SCNN1A: variants seen among roughly 807,000 people sequenced by gnomAD.
The protein encoded by SCNN1A is epithelial sodium channel subunit alpha.
A neutral mutation model predicts 68.6 loss-of-function variants in SCNN1A; 65 were observed. The ratio of observed to expected loss-of-function variants is 0.95; its 90% CI spans 0.78 to 1.16. The LOEUF is 1.16. SCNN1A is among the 50% of genes most tolerant of loss of function. The pLI, the probability that SCNN1A is intolerant of heterozygous loss-of-function variation, is 0.00. For missense variants in SCNN1A, 880 were observed against 865.9 expected, an observed-to-expected ratio of 1.02 and a Z score of -0.20; for synonymous variants, 357 against 353.3, an observed-to-expected ratio of 1.01 and a Z score of -0.12.
intron 2 of SCNN1A, among the ~76,000 whole-genome samples, chr12:6,369,377 C>CCACCCTACG (rs1948744571): frequency 8.6e-5 from 13 of 151,866 alleles, no homozygotes; most frequent in African/African-American, 1.7e-4. Context: ...CTCCCTCCTG[C>CCACCCTACG]CTGGCCTCAC....
intron 2 of SCNN1A, among the ~76,000 whole-genome samples, chr12:6,370,996 A>G (rs1948778950): frequency 6.6e-6 from 1 of 152,158 alleles, no homozygotes; most frequent in South Asian, 2.1e-4. Flanking sequence ...GACCAGAGAG[A>G]AAGGGGCTGC....
chr12:6,374,617 C>T lies in SCNN1A; in HGVS notation c.167G>A (p.Arg56Gln), dbSNP rs1270014896. 3.7e-6 allele frequency: 6 copies of T among 1,613,802 alleles called. No homozygotes were observed. Among genetic ancestry groups the T allele is most frequent in the South Asian group, 2.2e-5 (2 of 91,066 alleles). The change falls in exon 2 of 13, where the codon CGA becomes CAA. Residue 56 changes from arginine (R) to glutamine (Q), a missense_variant. This residue lies in a region of SCNN1A where 45 missense variants were observed against 76.7 expected (regional missense o/e 0.59). Transcript: ENST00000228916. This position sits in a 1 kb window ranked among gnomAD's most constrained non-coding sequence, Gnocchi z 6.2. Reference protein sequence around the residue: ...EALIEFHRSYRELFEFFCNNT... With the variant: ...EALIEFHRSYQELFEFFCNNT... ...GTTGCAGAAGAACTCGAAGAGCTCT[C>T]GGTAGGAGCGGTGGAACTCGATCAG...
Position 6,354,612 on chromosome 12 carries a change from C to A in SCNN1A, c.1243-57G>T. ...GTTCAGGCCTGAACTCAGCAGTTCT[C>A]TGCACAGAGCCTCCATCCTCTTTCC... On this transcript the variant is annotated intron_variant, in intron 7 of 12. Transcript: ENST00000228916. The A allele has an allele frequency of 2.1e-6, 3 of 1,434,372 alleles. No homozygotes were observed. The South Asian group carries it at 3.4e-5, about 16-fold the overall frequency. 88.9% of individuals were successfully genotyped at this position (1,434,372 alleles called of 1,614,324 possible). A position where few individuals can be genotyped will look rare whatever the true frequency, so the allele number is the denominator to read the frequency against.
intron 4 of SCNN1A, chr12:6,356,153 C>T (rs1948494645): frequency 2.0e-6 from 1 of 510,722 alleles, no homozygotes; most frequent in African/African-American, 1.9e-5. Flanking sequence ...ACAGCTGGCC[C>T]AAGGTCACAC....
In SCNN1A at chr12:6,354,395, A is replaced by C. The variant is rs1162969882; in HGVS notation, c.1360+43T>G. 3.0e-6 allele frequency: 4 copies of C among 1,322,482 alleles called. No individual in the cohort carries two copies. The South Asian group carries it at 4.7e-5, about 16-fold the overall frequency. 81.9% of individuals were successfully genotyped at this position (1,322,482 alleles called of 1,614,324 possible). A position where few individuals can be genotyped will look rare whatever the true frequency, so the allele number is the denominator to read the frequency against. On this transcript the variant is annotated intron_variant, in intron 8 of 12. Coordinates refer to ENST00000228916, the MANE Select transcript of SCNN1A (RefSeq NM_001038.6). The stretch of plus-strand genomic sequence containing the variant: ...GAGAGGAAAAAGTGCCTCAGTGAGT[A>C]CTGGGGTCAGTGGGGCAGGGTGGGG...
chr12:6,368,790 G>A (rs551565865), intron 2 of SCNN1A, among the ~76,000 whole-genome samples: 7 of 152,232 alleles, frequency 4.6e-5, no homozygotes, highest in African/African-American at 1.7e-4. Context: ...TGAGATGTAG[G>A]GCCTGGTGTT....
chr12:6,373,564 T>C (rs1592087064), intron 2 of SCNN1A, among the ~76,000 whole-genome samples: 1 of 152,050 alleles, frequency 6.6e-6, no homozygotes, highest in Admixed American at 6.5e-5. Context: ...AAATAAAAGG[T>C]ATACAAAAGC....
chr12:6,376,144 G>A (rs1006233559), upstream of SCNN1A: 7 of 986,066 alleles, frequency 7.1e-6, no homozygotes, highest in Admixed American at 1.8e-4. Context: ...AGAGAAGAGA[G>A]AAGAGGTCTC....
In SCNN1A at chr12:6,347,628, C is replaced by G. The variant is rs1481336374; in HGVS notation, c.*245G>C. 1 of 537,164 alleles carries G rather than the reference C, an allele frequency of 1.9e-6. No individual in the cohort carries two copies. 33.3% of individuals were successfully genotyped at this position (537,164 alleles called of 1,614,324 possible). ...ACTTAGCCGCAGTTGGGTGGGGAAA[C>G]CAGAGTGTTCAGAGGCAGTACCAAG... On this transcript the variant is annotated 3_prime_UTR_variant, in exon 13 of 13. Coordinates refer to ENST00000228916, the MANE Select transcript of SCNN1A (RefSeq NM_001038.6).
At position 6,354,514 on chromosome 12, in the gene SCNN1A, C is replaced by G; in HGVS notation, c.1284G>C (p.Glu428Asp). Residue 428 changes from glutamate (E) to aspartate (D), a missense_variant, in exon 8 of 13, where the codon GAG (glutamate) becomes GAC (aspartate). Glu to Asp is a conservative substitution (Grantham distance 45). Transcript: ENST00000228916. ...GATAGAAGATGTAGGCACAGCCACA[C>G]TCCTTGATCATGCTCTCCTGGAAGC... ...HSCFQESMIKECGCAYIFYPR... is the reference protein window; with the variant it reads ...HSCFQESMIKDCGCAYIFYPR... 6.2e-7 allele frequency: 1 copy of G among 1,613,994 alleles called. No individual in the cohort carries two copies. The highest frequency in any genetic ancestry group is 8.5e-7 in the Non-Finnish European group (1 of 1,180,000).
chr12:6,372,969 CA>C lies in SCNN1A; in HGVS notation c.416+1398del. Reference sequence around the variant, plus strand: ...TTGCCTCTCTTTGCCTTAGTTTCCTCAAGTGTAAAATAGGGATAACAATAGC... The same window carrying C: ...TTGCCTCTCTTTGCCTTAGTTTCCTCAGTGTAAAATAGGGATAACAATAGC... On this transcript the variant is annotated intron_variant, in intron 2 of 12. Coordinates refer to ENST00000228916, the MANE Select transcript of SCNN1A (RefSeq NM_001038.6). This position sits in a 1 kb window ranked among gnomAD's most constrained non-coding sequence, Gnocchi z 5.8. 2.6e-5 allele frequency among the ~76,000 whole-genome samples: 4 copies of C among 152,250 alleles called. No individual in the cohort carries two copies. Among genetic ancestry groups the C allele is most frequent in the Non-Finnish European group, 5.9e-5 (4 of 68,024 alleles).
Position 6,354,460 on chromosome 12 carries a change from G to A in SCNN1A, c.1338C>T (p.Asp446=). ...YPRPQNVEYC[D]YRKHSSWGYC... ...CACCCCAGGAACTGTGCTTTCTGTA[G>A]TCACAGTACTCCACGTTCTGGGGCC... Residue 446 remains aspartate, a synonymous_variant, in exon 8 of 13, where the codon GAC becomes GAT. Transcript: ENST00000228916. 6 of 1,612,168 alleles carry A rather than the reference G, an allele frequency of 3.7e-6. No individual in the cohort carries two copies. Among genetic ancestry groups the A allele is most frequent in the Non-Finnish European group, 5.1e-6 (6 of 1,179,118 alleles).
chr12:6,374,495 T>C lies in SCNN1A; in HGVS notation c.289A>G (p.Met97Val). Residue 97 changes from methionine (M) to valine (V), a missense_variant, in exon 2 of 13, where the codon ATG (methionine) becomes GTG (valine). Transcript: ENST00000228916. The surrounding 1 kb of genome is among the most constrained non-coding windows in gnomAD (Gnocchi z 6.2). ...AGCAGGCCGAATTGCCAGTACATCA[T>C]GCCAAAGGTGCAGAGCCACAGCACT... Reference protein sequence around the residue: ...WAVLWLCTFGMMYWQFGLLFG... With the variant: ...WAVLWLCTFGVMYWQFGLLFG... The C allele has an allele frequency of 1.2e-6, 2 of 1,614,238 alleles. No individual in the cohort carries two copies. The highest frequency in any genetic ancestry group is 1.7e-6 in the Non-Finnish European group (2 of 1,180,038).
chr12:6,367,187 G>A (rs943822947), intron 2 of SCNN1A, among the ~76,000 whole-genome samples: 5 of 151,786 alleles, frequency 3.3e-5, no homozygotes, highest in African/African-American at 9.7e-5. Flanking sequence ...ACAGTGAGCC[G>A]TGATCGTGTG....
chr12:6,359,654 T>C (rs1192232289), intron 4 of SCNN1A, among the ~76,000 whole-genome samples: 1 of 152,014 alleles, frequency 6.6e-6, no homozygotes, highest in African/African-American at 2.4e-5. Context: ...AAAAGTTTCC[T>C]GAGGCCTCCC....
chr12:6,363,519 GCTCGACGGGCCC>G lies in SCNN1A; in HGVS notation c.596_607del (p.Gly199_Arg202del), dbSNP rs1565482730. 2.5e-6 allele frequency: 4 copies of G among 1,609,692 alleles called. No individual in the cohort carries two copies. Among genetic ancestry groups the G allele is most frequent in the Non-Finnish European group, 3.4e-6 (4 of 1,178,006 alleles). ...CCGCAAGCTGGAGGCCACGCTACGG[GCTCGACGGGCCC>G]CGTGAGGCGGGGGCGGGACCCTCAG... On this transcript the variant is annotated inframe_deletion, in exon 3 of 13. Coordinates refer to ENST00000228916, the MANE Select transcript of SCNN1A (RefSeq NM_001038.6).
Position 6,349,271 on chromosome 12 carries a change from C to T in SCNN1A, c.1440-50G>A, listed in dbSNP as rs1162661528. On this transcript the variant is annotated intron_variant, in intron 9 of 12. Coordinates refer to ENST00000228916, the MANE Select transcript of SCNN1A (RefSeq NM_001038.6). ...TGTTGGGGCAGAGCTCTCCCAAATG[C>T]TTGGCTCGGTAACCTGTATTCTACC... 2.5e-6 allele frequency: 4 copies of T among 1,613,450 alleles called. No individual in the cohort carries two copies. In the African/African-American group the frequency reaches 5.3e-5, roughly 22 times the overall value.
chr12:6,362,651 C>T (rs1025299269), intron 3 of SCNN1A, among the ~76,000 whole-genome samples: 2 of 151,956 alleles, frequency 1.3e-5, no homozygotes, highest in South Asian at 2.1e-4. Context: ...GTCTCCTTTC[C>T]TTGGCTCCTC....
In SCNN1A at chr12:6,347,692, C is replaced by CATCA; in HGVS notation, c.*177_*180dup. 1 of 643,680 alleles carries CATCA rather than the reference C, an allele frequency of 1.6e-6. No individual in the cohort carries two copies. The highest frequency in any genetic ancestry group is 2.8e-6 in the Non-Finnish European group (1 of 356,658). 39.9% of individuals were successfully genotyped at this position (643,680 alleles called of 1,614,324 possible). A position where few individuals can be genotyped will look rare whatever the true frequency, so the allele number is the denominator to read the frequency against. The stretch of plus-strand genomic sequence containing the variant: ...GAGCCAAGGCACTTCTGGGCAGCTT[C>CATCA]ATCAGCTACTGTTCTTGGAGCAACT... On this transcript the variant is annotated 3_prime_UTR_variant, in exon 13 of 13. Coordinates refer to ENST00000228916, the MANE Select transcript of SCNN1A (RefSeq NM_001038.6).
Sources: gnomAD v4.1 joint callset for allele counts (sites outside exome capture counted in the v4.1 genomes callset) on GRCh38, gnomAD v4.1.1 for gene constraint, gnomAD v4.1.1 regional missense constraint, Gnocchi (gnomAD v3.1) non-coding constraint, MANE v1.5 for transcripts, NCBI Gene and HGNC (gene_info 2026-07-23, HGNC 2026-07-21) for gene names.